The following AKAP12 variants were observed in gnomAD, a reference collection of about 807,000 sequenced individuals.
AKAP12 encodes A-kinase anchor protein 12.
AKAP12 carries 32 observed loss-of-function variants against 79.9 expected under a neutral mutation model. The observed-to-expected ratio is 0.40, with a 90% CI of 0.30 to 0.54. The LOEUF (loss-of-function observed/expected upper bound fraction) is 0.54, where lower values mean the gene tolerates loss of function less well. Among genes scored for constraint, AKAP12 ranks in the 20% least tolerant of loss-of-function variants. The pLI is 0.48. For synonymous variants in AKAP12, 808 were observed against 857.0 expected, an observed-to-expected ratio of 0.94 and a Z score of 1.00; for missense variants, 2,074 against 2,177.0, an observed-to-expected ratio of 0.95 and a Z score of 0.94.
intron 2 of AKAP12, among the ~76,000 whole-genome samples, chr6:151,286,367 C>T (rs7760914): frequency 0.21 from 32,546 of 152,202 alleles, 4,633 homozygotes; most frequent in East Asian, 0.58. Context: ...TGTTACTACA[C>T]ACATACGTTC....
rs1162286844 is a variant in AKAP12, at chr6:151,353,159, G to A, written c.4768G>A (p.Ala1590Thr). The A allele has an allele frequency of 1.2e-6, 2 of 1,614,176 alleles. No homozygotes were observed. Among genetic ancestry groups the A allele is most frequent in the South Asian group, 1.1e-5 (1 of 91,078 alleles). The change falls in exon 4 of 5, where the codon GCT becomes ACT. Residue 1590 changes from alanine (A) to threonine (T), a missense_variant. Around this residue, in one of 3 missense-constraint regions of AKAP12, gnomAD observed 614 missense variants for 665.6 expected, o/e 0.92. Transcript: ENST00000402676. ...AHVIKADSQD[A>T]GQETEKEGEE... Reference sequence around the variant, plus strand: ...CGTGATAAAAGCTGACAGCCAGGACGCTGGACAGGAAACGGAGAAAGAAGG... The same window carrying A: ...CGTGATAAAAGCTGACAGCCAGGACACTGGACAGGAAACGGAGAAAGAAGG...
intron 3 of AKAP12, among the ~76,000 whole-genome samples, chr6:151,326,491 A>AG (rs1777530103): frequency 7.5e-6 from 1 of 132,642 alleles, no homozygotes; most frequent in Non-Finnish European, 1.6e-5. Flanking sequence ...ACAAATAGTA[A>AG]AAAAAAAAAA....
intron 2 of AKAP12, among the ~76,000 whole-genome samples, chr6:151,274,482 T>G (rs533901658): frequency 6.6e-6 from 1 of 152,256 alleles, no homozygotes; most frequent in Middle Eastern, 3.4e-3. Context: ...ATGATTTCGT[T>G]AAAGTGTATC....
chr6:151,318,408 C>A (rs1159898128), intron 3 of AKAP12, among the ~76,000 whole-genome samples: 1 of 152,174 alleles, frequency 6.6e-6, no homozygotes, highest in East Asian at 1.9e-4. Context: ...TAAGTATTCC[C>A]CTAATCAAGT....
chr6:151,245,351 G>A (rs115282511), intron 2 of AKAP12, among the ~76,000 whole-genome samples: 1,645 of 149,556 alleles, frequency 0.011, 38 homozygotes, highest in African/African-American at 0.039. Flanking sequence ...TCCTTGAACC[G>A]AATTCTTTTT....
At chr6:151,325,847 G>A in intron 3 of AKAP12, 1 of 1,614,158 alleles carries the variant, frequency 6.2e-7, no homozygotes, top group Non-Finnish European at 8.5e-7. Flanking sequence ...CTGTACAGTA[G>A]TGCTACTTAA....
chr6:151,333,444 G>A (rs1246816994), intron 3 of AKAP12, among the ~76,000 whole-genome samples: 1 of 152,170 alleles, frequency 6.6e-6, no homozygotes, highest in Non-Finnish European at 1.5e-5. Context: ...CCAGCATGCA[G>A]GGAGCATGTA....
At chr6:151,322,916 A>G (rs1001959962) in intron 3 of AKAP12, among the ~76,000 whole-genome samples, 8 of 152,246 alleles carry the variant, frequency 5.3e-5, no homozygotes, top group African/African-American at 1.4e-4. Flanking sequence ...TCATCCATCT[A>G]TGTATTATAC....
intron 2 of AKAP12, among the ~76,000 whole-genome samples, chr6:151,274,321 C>T (rs1300751975): frequency 6.6e-6 from 1 of 152,104 alleles, no homozygotes; most frequent in Non-Finnish European, 1.5e-5. Context: ...TCAAGCAATC[C>T]ACCTGCCTTG....
chr6:151,304,108 A>T (rs746739265), intron 2 of AKAP12, among the ~76,000 whole-genome samples: 1 of 152,166 alleles, frequency 6.6e-6, no homozygotes, highest in Non-Finnish European at 1.5e-5. Context: ...ATTGCTGTAT[A>T]TTACATTGTT....
intron 3 of AKAP12, among the ~76,000 whole-genome samples, chr6:151,310,976 GT>G (rs568012161): frequency 1.7e-4 from 26 of 150,322 alleles, no homozygotes; most frequent in East Asian, 3.9e-4. Flanking sequence ...GCTTTAGAAA[GT>G]TTTTTTTTTA....
chr6:151,340,477 C>T (rs925031306), intron 3 of AKAP12, among the ~76,000 whole-genome samples: 1 of 152,058 alleles, frequency 6.6e-6, no homozygotes, highest in South Asian at 2.1e-4. Context: ...GAAAACAAAC[C>T]GCAGACTGTC....
Position 151,305,823 on chromosome 6 carries a change from AC to A in AKAP12, c.241del (p.Leu81Ter). 1 of 1,614,114 alleles carries A rather than the reference AC, an allele frequency of 6.2e-7. No individual in the cohort carries two copies. The highest frequency in any genetic ancestry group is 1.3e-5 in the African/African-American group (1 of 75,042). On this transcript the variant is annotated frameshift_variant, in exon 3 of 5. Coordinates refer to ENST00000402676, the MANE Select transcript of AKAP12 (RefSeq NM_005100.4). LOFTEE classifies it high-confidence loss of function. ...GATGAGCTCAGCCTCCAGGAGGGTG[AC>A]CTAAATGGCCAGAAAGGAGCCCTGA... ...EQDELSLQEG[D>X]LNGQKGALNG...
At chr6:151,295,915 A>T (rs1776714278) in intron 2 of AKAP12, among the ~76,000 whole-genome samples, 1 of 151,284 alleles carries the variant, frequency 6.6e-6, no homozygotes, top group Non-Finnish European at 1.5e-5. Flanking sequence ...GGAGATGTTC[A>T]CCCCCTTTTC....
chr6:151,350,123 T>C lies in AKAP12; in HGVS notation c.1732T>C (p.Cys578Arg). Reference sequence around the variant, plus strand: ...CCCTGAGGAGCCCGAGGAGATCACGTGTCTGGAAAAGGGCTTAGCCGAGGT... The same window carrying C: ...CCCTGAGGAGCCCGAGGAGATCACGCGTCTGGAAAAGGGCTTAGCCGAGGT... ...SSPEEPEEITCLEKGLAEVQQ... is the reference protein window; with the variant it reads ...SSPEEPEEITRLEKGLAEVQQ... Residue 578 changes from cysteine to arginine, a missense_variant, in exon 4 of 5, where the codon TGT (cysteine) becomes CGT (arginine). Coordinates refer to ENST00000402676, the MANE Select transcript of AKAP12 (RefSeq NM_005100.4). The surrounding 1 kb of genome is among the most constrained non-coding windows in gnomAD (Gnocchi z 4.8). 1 of 1,612,242 alleles carries C rather than the reference T, an allele frequency of 6.2e-7. No homozygotes were observed. Among genetic ancestry groups the C allele is most frequent in the Non-Finnish European group, 8.5e-7 (1 of 1,179,456 alleles).
Position 151,329,674 on chromosome 6 carries a change from TC to T in AKAP12, c.320-19035del, listed in dbSNP as rs148106607. Among the ~76,000 whole-genome samples, 84 of 152,324 alleles carry T rather than the reference TC, an allele frequency of 5.5e-4. No individual in the cohort carries two copies. In the East Asian group the frequency reaches 0.015, roughly 28 times the overall value. On this transcript the variant is annotated intron_variant, in intron 3 of 4. Coordinates refer to ENST00000402676, the MANE Select transcript of AKAP12 (RefSeq NM_005100.4). ...TTTCACATCTGCTATGGAGACAGAT[TC>T]CTTGTCAAGAGACTTTGGAGACACG...
intron 3 of AKAP12, among the ~76,000 whole-genome samples, chr6:151,318,638 A>G (rs1777290061): frequency 6.6e-6 from 1 of 152,178 alleles, no homozygotes; most frequent in African/African-American, 2.4e-5. Context: ...CTTTCGGTCT[A>G]GAAACTCATA....
chr6:151,258,849 A>T (rs537972623), intron 2 of AKAP12, among the ~76,000 whole-genome samples: 1 of 151,416 alleles, frequency 6.6e-6, no homozygotes, highest in Non-Finnish European at 1.5e-5. Context: ...GCTGGTCTTG[A>T]ACTCCTGACC....
At chr6:151,256,838 C>T (rs573458784) in intron 2 of AKAP12, among the ~76,000 whole-genome samples, 5 of 151,548 alleles carry the variant, frequency 3.3e-5, no homozygotes, top group East Asian at 3.9e-4. Flanking sequence ...TTAGTAGAGA[C>T]GGGTTTTACC....
Sources: gnomAD v4.1 joint callset for allele counts (sites outside exome capture counted in the v4.1 genomes callset) on GRCh38, gnomAD v4.1.1 for gene constraint, gnomAD v4.1.1 regional missense constraint, Gnocchi (gnomAD v3.1) non-coding constraint, MANE v1.5 for transcripts, NCBI Gene and HGNC (gene_info 2026-07-23, HGNC 2026-07-21) for gene names.